The following LIMCH1 variants were observed in gnomAD, a reference collection of about 807,000 sequenced individuals.
LIMCH1 encodes LIM and calponin homology domains-containing protein 1.
A neutral mutation model predicts 176.5 loss-of-function variants in LIMCH1; 113 were observed. The observed-to-expected ratio is 0.64, with a 90% confidence interval of 0.55 to 0.75. The LOEUF (loss-of-function observed/expected upper bound fraction) is 0.75. LIMCH1 is among the 30% of genes least tolerant of loss of function. The pLI, the probability that LIMCH1 is intolerant of heterozygous loss-of-function variation, is 0.00. For missense variants in LIMCH1, 1,674 were observed against 1,814.9 expected (o/e 0.92, Z 1.41); for synonymous variants, 619 against 645.9 (o/e 0.96, Z 0.63).
At chr4:41,407,652 A>G (rs543117941) in intron 1 of LIMCH1, among the ~76,000 whole-genome samples, 1 of 152,346 alleles carries the variant, frequency 6.6e-6, no homozygotes, top group South Asian at 2.1e-4. Flanking sequence ...CAGGCTAAGA[A>G]AAATATATCG....
At chr4:41,442,542 T>C (rs1056539399) in intron 1 of LIMCH1, among the ~76,000 whole-genome samples, 7 of 152,228 alleles carry the variant, frequency 4.6e-5, no homozygotes, top group Non-Finnish European at 4.4e-5. Flanking sequence ...GTTAACCAAC[T>C]AGCTGATTTC....
chr4:41,520,252 T>G (rs34642287), intron 2 of LIMCH1, among the ~76,000 whole-genome samples: 18,397 of 152,066 alleles, frequency 0.12, 1,272 homozygotes, highest in South Asian at 0.24. Flanking sequence ...TTCTACTCAC[T>G]CTCCTCAGCT....
chr4:41,439,056 G>T (rs2062417133), intron 1 of LIMCH1, among the ~76,000 whole-genome samples: 1 of 152,204 alleles, frequency 6.6e-6, no homozygotes, highest in South Asian at 2.1e-4. Context: ...TGGGAGTGCA[G>T]TTGGGAGGCT....
intron 1 of LIMCH1, among the ~76,000 whole-genome samples, chr4:41,565,376 C>CAT (rs2082599599): frequency 1.4e-5 from 2 of 146,416 alleles, no homozygotes; most frequent in South Asian, 4.2e-4. Context: ...CACACACACA[C>CAT]ACACACATAC....
chr4:41,415,640 C>T lies in LIMCH1; in HGVS notation c.96+54704C>T, dbSNP rs1022455140. ...TTCTGTGACCTTGGTTAGCTATTGT[C>T]CTTTATCTATGTGTCTGGTACTGCT... On this transcript the variant is annotated intron_variant, in intron 1 of 26. Transcript: ENST00000313860. Among the ~76,000 whole-genome samples, 6 of 152,070 alleles carry T rather than the reference C, an allele frequency of 3.9e-5. No individual in the cohort carries two copies. In the South Asian group the frequency reaches 1.0e-3, roughly 26 times the overall value.
chr4:41,668,773 T>C (rs965524892), intron 21 of LIMCH1, among the ~76,000 whole-genome samples: 1 of 152,220 alleles, frequency 6.6e-6, no homozygotes, highest in Non-Finnish European at 1.5e-5. Context: ...CTTCATTGAC[T>C]CATAGTTCCA....
chr4:41,698,365 C>T lies in LIMCH1; in HGVS notation c.*1180C>T, dbSNP rs1731812214. 6.6e-6 allele frequency: 1 copy of T among 152,174 alleles called. No homozygotes were observed. The highest frequency in any genetic ancestry group is 1.5e-5 in the Non-Finnish European group (1 of 68,058). The allele number at this position is 152,174 out of a possible 1,614,324, so 9.4% of individuals were successfully genotyped here. ...TGCTATCAAGAACTCCGGACCTTGC[C>T]CATGGAGAAGTTTAGAGAGGAACTC... On this transcript the variant is annotated 3_prime_UTR_variant, in exon 32 of 32. Transcript: ENST00000503057.
intron 14 of LIMCH1, among the ~76,000 whole-genome samples, chr4:41,640,862 C>T (rs527314040): frequency 2.0e-5 from 3 of 152,066 alleles, no homozygotes; most frequent in African/African-American, 4.8e-5. Context: ...GCAGACCTAC[C>T]GCACAGGCAA....
At chr4:41,411,646 T>C (rs1426709536) in intron 1 of LIMCH1, among the ~76,000 whole-genome samples, 1 of 150,312 alleles carries the variant, frequency 6.7e-6, no homozygotes, top group East Asian at 2.0e-4. Flanking sequence ...CATCTGCCAA[T>C]GGACTCAGCT....
intron 6 of LIMCH1, chr4:41,619,806 C>A: frequency 8.1e-6 from 2 of 246,786 alleles, no homozygotes; most frequent in East Asian, 8.0e-5. Flanking sequence ...TATCTTTATG[C>A]AAAAAGATGT....
At chr4:41,677,340 G>A (rs772962260) in intron 23 of LIMCH1, among the ~76,000 whole-genome samples, 8 of 151,510 alleles carry the variant, frequency 5.3e-5, no homozygotes, top group Non-Finnish European at 8.8e-5. Context: ...CCCGTGAGGC[G>A]GAGGTTGCAG....
intron 17 of LIMCH1, among the ~76,000 whole-genome samples, chr4:41,647,894 C>A (rs2094130742): frequency 6.6e-6 from 1 of 152,238 alleles, no homozygotes; most frequent in South Asian, 2.1e-4. Flanking sequence ...AGCTGTTTGT[C>A]CCCTTATAAG....
chr4:41,541,301 C>T (rs10012827), intron 1 of LIMCH1, among the ~76,000 whole-genome samples: 17,333 of 134,900 alleles, frequency 0.13, 1,006 homozygotes, highest in Non-Finnish European at 0.15. Context: ...AGTGTAGATT[C>T]GGGAAGGCTG....
chr4:41,449,554 A>G (rs1458465030), intron 1 of LIMCH1, among the ~76,000 whole-genome samples: 1 of 152,132 alleles, frequency 6.6e-6, no homozygotes, highest in African/African-American at 2.4e-5. Context: ...AGCAGTGTTG[A>G]TAAGTATATT....
intron 1 of LIMCH1, among the ~76,000 whole-genome samples, chr4:41,481,490 A>T (rs1422036887): frequency 1.3e-5 from 2 of 152,196 alleles, no homozygotes; most frequent in Non-Finnish European, 2.9e-5. Context: ...GAACTTTAGC[A>T]TAAAGAAAGG....
rs1731471912 is a variant in LIMCH1 at position 41,697,438 on chromosome 4, G to A, written c.*253G>A. Reference sequence around the variant, plus strand: ...TATGGGGTTGTAATGATCCTGAATAGCTCAAAAAAGGTTTTAGCATGGTCA... The same window carrying A: ...TATGGGGTTGTAATGATCCTGAATAACTCAAAAAAGGTTTTAGCATGGTCA... On this transcript the variant is annotated 3_prime_UTR_variant, in exon 32 of 32. Transcript: ENST00000503057. 4 of 423,062 alleles carry A rather than the reference G, an allele frequency of 9.5e-6. No homozygotes were observed. The South Asian group carries it at 2.2e-4, about 23-fold the overall frequency. 26.2% of individuals were successfully genotyped at this position (423,062 alleles called of 1,614,324 possible).
intron 1 of LIMCH1, among the ~76,000 whole-genome samples, chr4:41,571,325 AG>A (rs752071263): frequency 1.4e-4 from 21 of 152,138 alleles, no homozygotes; most frequent in Non-Finnish European, 2.2e-4. Context: ...GACTTTGACA[AG>A]GAAGGAGAGA....
intron 1 of LIMCH1, among the ~76,000 whole-genome samples, chr4:41,593,727 C>A (rs559373731): frequency 6.6e-6 from 1 of 152,152 alleles, no homozygotes; most frequent in Non-Finnish European, 1.5e-5. Flanking sequence ...TACAGACACA[C>A]GTTTGTTTAC....
rs57517524 is a variant in LIMCH1, at chr4:41,460,458, CTATATA to C, written c.97-34062_97-34057del. On this transcript the variant is annotated intron_variant, in intron 1 of 26. Transcript: ENST00000313860. Reference sequence around the variant, plus strand: ...AAATTTGTTCCACTATAGTAATCATCTATATATATATATATATATATCTTATAATAT... The same window carrying C: ...AAATTTGTTCCACTATAGTAATCATCTATATATATATATATCTTATAATAT... 1.6e-3 allele frequency among the ~76,000 whole-genome samples: 174 copies of C among 110,552 alleles called. 9 individuals carry two copies. Among genetic ancestry groups the C allele is most frequent in the African/African-American group, 6.1e-3 (153 of 25,240 alleles). 72.5% of individuals were successfully genotyped at this position (110,552 alleles called of 152,430 possible).
Sources: gnomAD v4.1 joint callset for allele counts (sites outside exome capture counted in the v4.1 genomes callset) on GRCh38, gnomAD v4.1.1 for gene constraint, MANE v1.5 for transcripts, NCBI Gene and HGNC (gene_info 2026-07-23, HGNC 2026-07-21) for gene names.